The following FSIP1 variants were observed in gnomAD, a reference collection of about 807,000 sequenced individuals.
The protein encoded by FSIP1 is fibrous sheath interacting protein 1.
In FSIP1, 65 loss-of-function variants were observed where a neutral mutation model predicts 60.9. That is an observed-to-expected ratio of 1.07 (90% CI 0.87 to 1.31). The LOEUF (loss-of-function observed/expected upper bound fraction) is 1.31, where lower values mean the gene tolerates loss of function less well. Among genes scored for constraint, FSIP1 ranks in the 40% most tolerant of loss-of-function variants. The pLI, the probability that FSIP1 is intolerant of heterozygous loss-of-function variation, is 0.00. For synonymous variants in FSIP1, 209 were observed against 221.2 expected (o/e 0.94, Z 0.49); for missense variants, 675 against 665.5 (o/e 1.01, Z -0.16).
At chr15:39,684,449 C>T (rs1894286046) in intron 10 of FSIP1, among the ~76,000 whole-genome samples, 1 of 152,160 alleles carries the variant, frequency 6.6e-6, no homozygotes. Flanking sequence ...CCATAAATAG[C>T]TGCTCAATGA....
intron 10 of FSIP1, among the ~76,000 whole-genome samples, chr15:39,677,776 T>G (rs1893999207): frequency 6.6e-6 from 1 of 152,112 alleles, no homozygotes; most frequent in Non-Finnish European, 1.5e-5. Flanking sequence ...GGCAGGCAGA[T>G]CACGAGGTCA....
At chr15:39,765,769 A>G in intron 3 of FSIP1, 23 bp from the exon 4 acceptor site, 2 of 1,342,112 alleles carry the variant, frequency 1.5e-6, no homozygotes, top group South Asian at 1.4e-5. Context: ...GAAAGTAAAA[A>G]TAGGTTTGAA....
chr15:39,615,321 A>G (rs1891184582), intron 11 of FSIP1, among the ~76,000 whole-genome samples: 2 of 152,086 alleles, frequency 1.3e-5, no homozygotes, highest in South Asian at 4.1e-4. Flanking sequence ...AAGTAAAGAG[A>G]CAATCTGTGA....
At chr15:39,730,160 T>C (rs1319116816) in intron 8 of FSIP1, among the ~76,000 whole-genome samples, 4 of 152,034 alleles carry the variant, frequency 2.6e-5, no homozygotes, top group East Asian at 1.9e-4. Flanking sequence ...GTGGTCACAT[T>C]ATCTAAACTA....
intron 10 of FSIP1, among the ~76,000 whole-genome samples, chr15:39,647,272 G>A (rs1025268666): frequency 1.3e-5 from 2 of 152,132 alleles, no homozygotes; most frequent in Admixed American, 6.5e-5. Flanking sequence ...CCACACATAC[G>A]CAAAGAGGGT....
At chr15:39,632,155 A>C (rs999794539) in intron 10 of FSIP1, among the ~76,000 whole-genome samples, 2 of 152,124 alleles carry the variant, frequency 1.3e-5, no homozygotes, top group African/African-American at 4.8e-5. Context: ...TAAATCTTCA[A>C]ATTTTTATAC....
At chr15:39,711,119 T>A (rs1895488503) in intron 10 of FSIP1, among the ~76,000 whole-genome samples, 1 of 152,206 alleles carries the variant, frequency 6.6e-6, no homozygotes. Context: ...AATGTGTTAG[T>A]CTGTCTGGGC....
Position 39,738,925 on chromosome 15 carries a change from T to C in FSIP1, c.781-724A>G, listed in dbSNP as rs147655043. 4.4e-4 allele frequency among the ~76,000 whole-genome samples: 67 copies of C among 152,194 alleles called. 1 individual carries two copies. The highest frequency in any genetic ancestry group is 1.5e-3 in the African/African-American group (64 of 41,510). On this transcript the variant is annotated intron_variant, in intron 7 of 11. Coordinates refer to ENST00000350221, the MANE Select transcript of FSIP1 (RefSeq NM_152597.5). Reference sequence around the variant, plus strand: ...TGGGGAAAGCATCAGGCTTGAAGGGTAAAAAATTACTTAACTCTCTCTTGT... The same window carrying C: ...TGGGGAAAGCATCAGGCTTGAAGGGCAAAAAATTACTTAACTCTCTCTTGT...
intron 10 of FSIP1, among the ~76,000 whole-genome samples, chr15:39,638,398 G>C (rs1386202092): frequency 6.6e-6 from 1 of 152,216 alleles, no homozygotes. Context: ...CAGGAGATAT[G>C]TGAGTGGTCA....
chr15:39,634,194 T>C (rs1473137106), intron 10 of FSIP1, among the ~76,000 whole-genome samples: 1 of 152,226 alleles, frequency 6.6e-6, no homozygotes, highest in Non-Finnish European at 1.5e-5. Flanking sequence ...CCCATGAGTA[T>C]ACAAAAAGCT....
chr15:39,659,816 C>T (rs1329369979), intron 10 of FSIP1, among the ~76,000 whole-genome samples: 1 of 151,960 alleles, frequency 6.6e-6, no homozygotes, highest in Non-Finnish European at 1.5e-5. Context: ...ATTTTTATTG[C>T]AATTTTGCTT....
intron 3 of FSIP1, among the ~76,000 whole-genome samples, chr15:39,769,829 T>C (rs1254446691): frequency 6.6e-6 from 1 of 152,176 alleles, no homozygotes; most frequent in Non-Finnish European, 1.5e-5. Flanking sequence ...TTGCCCACCA[T>C]TCCTTTTATA....
intron 10 of FSIP1, among the ~76,000 whole-genome samples, chr15:39,633,091 C>CTTT (rs869063502): frequency 4.0e-4 from 45 of 112,864 alleles, no homozygotes; most frequent in Middle Eastern, 5.5e-3. Flanking sequence ...GGCTATACTT[C>CTTT]TTTTTTTTTT....
chr15:39,745,772 T>C (rs895394037), intron 5 of FSIP1, among the ~76,000 whole-genome samples: 2 of 151,078 alleles, frequency 1.3e-5, no homozygotes, highest in Non-Finnish European at 3.0e-5. Context: ...TGGGAATCCA[T>C]TTTTTTTTCA....
chr15:39,757,765 C>T (rs1897346068), intron 5 of FSIP1, among the ~76,000 whole-genome samples: 1 of 152,134 alleles, frequency 6.6e-6, no homozygotes. Context: ...GTTACCTCTT[C>T]ATTTTGGTGA....
intron 10 of FSIP1, among the ~76,000 whole-genome samples, chr15:39,623,322 C>A (rs73391299): frequency 6.6e-6 from 1 of 152,170 alleles, no homozygotes; most frequent in Non-Finnish European, 1.5e-5. Flanking sequence ...TATAAACCAG[C>A]AGAAGCAATC....
chr15:39,614,962 C>T lies in FSIP1; in HGVS notation c.1699+2773G>A, dbSNP rs985488938. ...AGATAAGTCAATCAACAGAACAGGACAGAAAGCCCAGTAATAAACTCATGC... is the reference window on the plus strand; with the variant it reads ...AGATAAGTCAATCAACAGAACAGGATAGAAAGCCCAGTAATAAACTCATGC... On this transcript the variant is annotated intron_variant, in intron 11 of 11. Coordinates refer to ENST00000350221, the MANE Select transcript of FSIP1 (RefSeq NM_152597.5). 2.6e-5 allele frequency among the ~76,000 whole-genome samples: 4 copies of T among 152,142 alleles called. No individual in the cohort carries two copies. The East Asian group carries it at 7.7e-4, about 29-fold the overall frequency.
At chr15:39,723,161 C>T (rs1327019949) in intron 9 of FSIP1, among the ~76,000 whole-genome samples, 2 of 152,076 alleles carry the variant, frequency 1.3e-5, no homozygotes, top group East Asian at 1.9e-4. Flanking sequence ...ATAAGGAAAA[C>T]GAGGTTTGGA....
intron 10 of FSIP1, among the ~76,000 whole-genome samples, chr15:39,679,265 C>A (rs1043432933): frequency 6.6e-6 from 1 of 152,016 alleles, no homozygotes; most frequent in Non-Finnish European, 1.5e-5. Context: ...GAATAAGGAA[C>A]CCTGAATATC....
Sources: allele counts gnomAD v4.1 joint callset (sites outside exome capture counted in the v4.1 genomes callset), GRCh38; gene constraint gnomAD v4.1.1; transcripts MANE v1.5; gene names NCBI Gene and HGNC (gene_info 2026-07-23, HGNC 2026-07-21).